HTRA2: variants seen among roughly 807,000 people sequenced by gnomAD.
HTRA2 encodes serine protease HTRA2, mitochondrial.
Under a neutral mutation model 42.2 loss-of-function variants are expected in HTRA2, and 24 were observed. The ratio of observed to expected loss-of-function variants is 0.57; its 90% CI spans 0.41 to 0.80. The LOEUF is 0.80. Ranked by LOEUF, HTRA2 falls within the 30% of genes least tolerant of loss-of-function variation. HTRA2 has a pLI of 0.00. For missense variants in HTRA2, 466 were observed against 613.5 expected (o/e 0.76, Z 2.54); for synonymous variants, 245 against 255.8 (o/e 0.96, Z 0.40).
In HTRA2 at chr2:74,531,700, A is replaced by G. The variant is rs1558612606; in HGVS notation, c.1043A>G (p.Lys348Arg). The change falls in exon 5 of 8, where the codon AAG becomes AGG. Residue 348 changes from lysine to arginine, a missense_variant and splice_region_variant. By Grantham distance (26) the Lys-to-Arg change is conservative. Coordinates refer to ENST00000258080, the MANE Select transcript of HTRA2 (RefSeq NM_013247.5). Reference protein sequence around the residue: ...LREFLHRGEKKNSSSGISGSQ... With the variant: ...LREFLHRGEKRNSSSGISGSQ... ...GAGTTTCTGCATCGTGGGGAAAAGA[A>G]GAGTGAGCCTGCCTTATGGGGAAAC... The G allele has an allele frequency of 1.9e-6, 3 of 1,614,056 alleles. No homozygotes were observed. Among genetic ancestry groups the G allele is most frequent in the South Asian group, 2.2e-5 (2 of 91,078 alleles).
At position 74,531,360 on chromosome 2, in the gene HTRA2, C is replaced by T. The variant is rs1430733107; in HGVS notation, c.928C>T (p.Leu310=). ...ACAGTTTGGAAACTCTGGAGGTCCCCTGGTTAACCTGGTGAGTGAGACATC... is the reference window on the plus strand; with the variant it reads ...ACAGTTTGGAAACTCTGGAGGTCCCTTGGTTAACCTGGTGAGTGAGACATC... ...AIDFGNSGGP[L]VNLDGEVIGV... is the part of the protein sequence containing the mutation. The change falls in exon 4 of 8, where the codon CTG becomes TTG. Residue 310 remains leucine, a synonymous_variant. Coordinates refer to ENST00000258080, the MANE Select transcript of HTRA2 (RefSeq NM_013247.5). 1.2e-6 allele frequency: 2 copies of T among 1,614,178 alleles called. No individual in the cohort carries two copies. The highest frequency in any genetic ancestry group is 1.7e-6 in the Non-Finnish European group (2 of 1,179,988).
Position 74,532,644 on chromosome 2 carries a change from G to A in HTRA2, c.1141G>A (p.Glu381Lys). 1 of 1,613,598 alleles carries A rather than the reference G, an allele frequency of 6.2e-7. No individual in the cohort carries two copies. The highest frequency in any genetic ancestry group is 8.5e-7 in the Non-Finnish European group (1 of 1,180,004). ...PSILAELQLR[E>K]PSFPDVQHGV... The stretch of plus-strand genomic sequence containing the variant: ...CATCCTTGCTGAACTACAGCTTCGA[G>A]AACCAAGCTTTCCCGATGTTCAGCA... Residue 381 changes from glutamate to lysine, a missense_variant, in exon 7 of 8, where the codon GAA (glutamate) becomes AAA (lysine). This residue lies in a region of HTRA2 where 129 missense variants were observed against 163.1 expected (regional missense o/e 0.79). Coordinates refer to ENST00000258080, the MANE Select transcript of HTRA2 (RefSeq NM_013247.5).
At chr2:74,529,522 T>C, upstream of HTRA2, 1 of 1,548,842 alleles carries the variant, frequency 6.5e-7, no homozygotes, top group Non-Finnish European at 8.7e-7. Context: ...GGCGAAGTGG[T>C]CAGGCGCCGA....
In HTRA2 at chr2:74,530,981, G is replaced by A; in HGVS notation, c.782G>A (p.Gly261Glu). The part of the protein sequence containing the change: ...VRQGEFVVAM[G>E]SPFALQNTIT... Reference sequence around the variant, plus strand: ...CAAGGGGAGTTTGTTGTTGCCATGGGAAGTCCCTTTGCACTGCAGAACACG... The same window carrying A: ...CAAGGGGAGTTTGTTGTTGCCATGGAAAGTCCCTTTGCACTGCAGAACACG... Residue 261 changes from glycine to glutamate, a missense_variant, in exon 3 of 8, where the codon GGA (glycine) becomes GAA (glutamate). Physicochemically the swap from Gly to Glu is moderately conservative, Grantham distance 98 (BLOSUM62 -2). Transcript: ENST00000258080. This position sits in a 1 kb window ranked among gnomAD's most constrained non-coding sequence, Gnocchi z 7.4. 6.2e-7 allele frequency: 1 copy of A among 1,614,214 alleles called. No individual in the cohort carries two copies. Among genetic ancestry groups the A allele is most frequent in the East Asian group, 2.2e-5 (1 of 44,884 alleles).
In HTRA2 at chr2:74,530,094, C is replaced by T. The variant is rs1438420513; in HGVS notation, c.88C>T (p.Arg30Cys). 3.1e-6 allele frequency: 5 copies of T among 1,600,492 alleles called. No homozygotes were observed. Among genetic ancestry groups the T allele is most frequent in the Non-Finnish European group, 2.6e-6 (3 of 1,169,816 alleles). ...GGGCATTCGCTGGGGGAGGAGACCC[C>T]GTTTGACCCCTGACCTCCGGGCCCT... ...LGGIRWGRRP[R>C]LTPDLRALLT... The change falls in exon 1 of 8, where the codon CGT becomes TGT. Residue 30 changes from arginine to cysteine, a missense_variant. Physicochemically the swap from Arg to Cys is radical, Grantham distance 180. This residue lies in a region of HTRA2 where 222 missense variants were observed against 205.1 expected (regional missense o/e 1.08). Coordinates refer to ENST00000258080, the MANE Select transcript of HTRA2 (RefSeq NM_013247.5). The surrounding 1 kb of genome is among the most constrained non-coding windows in gnomAD (Gnocchi z 7.4).
rs1372539804 is a variant in HTRA2 at position 74,530,552 on chromosome 2, G to A, written c.506+40G>A. 6.2e-7 allele frequency: 1 copy of A among 1,613,638 alleles called. No individual in the cohort carries two copies. The highest frequency in any genetic ancestry group is 8.5e-7 in the Non-Finnish European group (1 of 1,180,036). On this transcript the variant is annotated intron_variant, in intron 1 of 7. Coordinates refer to ENST00000258080, the MANE Select transcript of HTRA2 (RefSeq NM_013247.5). This position sits in a 1 kb window ranked among gnomAD's most constrained non-coding sequence, Gnocchi z 7.4. ...AGACCGGGAGGCACTGAAGCCACAG[G>A]CTGGAGGGCGGGCGGGTAGGAGGGG... is the stretch of plus-strand genomic sequence containing the variant.
rs955155115 is a variant in HTRA2, at chr2:74,529,959, G to C, written c.-48G>C. ...TACTGTCCGCCTGCTCGCGTCCTGG[G>C]TGCCGCCTCTGAGTAGGGCGGGCGA... On this transcript the variant is annotated 5_prime_UTR_variant, in exon 1 of 8. Coordinates refer to ENST00000258080, the MANE Select transcript of HTRA2 (RefSeq NM_013247.5). 3 of 1,500,508 alleles carry C rather than the reference G, an allele frequency of 2.0e-6. No individual in the cohort carries two copies. The highest frequency in any genetic ancestry group is 2.7e-6 in the Non-Finnish European group (3 of 1,129,266). 92.9% of individuals were successfully genotyped at this position (1,500,508 alleles called of 1,614,324 possible). A position where few individuals can be genotyped will look rare whatever the true frequency, so the allele number is the denominator to read the frequency against.
upstream of HTRA2, chr2:74,529,657 TCGC>T (rs769643480): frequency 3.9e-6 from 6 of 1,545,924 alleles, no homozygotes; most frequent in African/African-American, 4.1e-5. Flanking sequence ...CGCCCGGCCG[TCGC>T]CGCCGCCGCC....
chr2:74,531,144 A>AG (rs749549949), intron 3 of HTRA2, 39 bp downstream of exon 3: 23 of 1,600,456 alleles, frequency 1.4e-5, no homozygotes, highest in Non-Finnish European at 1.9e-5. Context: ...ATGATGGGGG[A>AG]GGGGGGAGAG....
In HTRA2 at chr2:74,529,999, C is replaced by T; in HGVS notation, c.-8C>T. On this transcript the variant is annotated 5_prime_UTR_variant, in exon 1 of 8. Transcript: ENST00000258080. ...AGGGCGGGCGAGGAGGCAGCCAAGG[C>T]GGAGCTGATGGCTGCGCCGAGGGCG... 6.6e-7 allele frequency: 1 copy of T among 1,524,780 alleles called. No individual in the cohort carries two copies. The highest frequency in any genetic ancestry group is 8.8e-7 in the Non-Finnish European group (1 of 1,134,266). 94.5% of individuals were successfully genotyped at this position (1,524,780 alleles called of 1,614,324 possible). A position where few individuals can be genotyped will look rare whatever the true frequency, so the allele number is the denominator to read the frequency against.
chr2:74,530,302 CTG>C lies in HTRA2; in HGVS notation c.297_298del (p.Gly100AsnfsTer37). 1 of 1,601,302 alleles carries C rather than the reference CTG, an allele frequency of 6.2e-7. No individual in the cohort carries two copies. Among genetic ancestry groups the C allele is most frequent in the Non-Finnish European group, 8.5e-7 (1 of 1,172,210 alleles). On this transcript the variant is annotated frameshift_variant, in exon 1 of 8. Transcript: ENST00000258080. LOFTEE classifies it high-confidence loss of function. This position sits in a 1 kb window ranked among gnomAD's most constrained non-coding sequence, Gnocchi z 7.4. ...AGGACCCGGGAGGCCTCAGAGAACT[CTG>C]GAACCCGTTCGCGCGCGTGGCTGGC...
At chr2:74,533,421 C>T, downstream of HTRA2, 4 of 598,444 alleles carry the variant, frequency 6.7e-6, no homozygotes, top group South Asian at 7.9e-5. Flanking sequence ...CCATGCTTGG[C>T]TACAGATACT....
Position 74,532,607 on chromosome 2 carries a change from G to C in HTRA2, c.1116-12G>C. On this transcript the variant is annotated splice_polypyrimidine_tract_variant and intron_variant, in intron 6 of 7. Coordinates refer to ENST00000258080, the MANE Select transcript of HTRA2 (RefSeq NM_013247.5). ...CTGGGTTTGGCTAATAGGGTGATCT[G>C]TGTACTTTCAGCATCCTTGCTGAAC... 6.2e-7 allele frequency: 1 copy of C among 1,611,660 alleles called. No homozygotes were observed. The highest frequency in any genetic ancestry group is 1.3e-5 in the African/African-American group (1 of 74,974).
intron 5 of HTRA2, 49 bp from the exon 6 acceptor site, chr2:74,531,807 G>GCT: frequency 1.9e-6 from 3 of 1,612,356 alleles, no homozygotes; most frequent in Non-Finnish European, 2.5e-6. Flanking sequence ...GAAGAGGGCA[G>GCT]GGAAGGAAGG....
At position 74,530,820 on chromosome 2, in the gene HTRA2, A is replaced by AG. The variant is rs748506882; in HGVS notation, c.711+1dup. The AG allele has an allele frequency of 2.1e-5, 34 of 1,614,134 alleles. No homozygotes were observed. Among genetic ancestry groups the AG allele is most frequent in the Non-Finnish European group, 2.9e-5 (34 of 1,180,028 alleles). On this transcript the variant is annotated frameshift_variant and splice_region_variant, in exon 2 of 8. Transcript: ENST00000258080. LOFTEE classifies it high-confidence loss of function. This position sits in a 1 kb window ranked among gnomAD's most constrained non-coding sequence, Gnocchi z 7.4. ...ATCGCAACGCTGAGGATTCAGACTA[A>AG]GGTGGGGGCTGGGGTAGGCCAGGTC... is the stretch of plus-strand genomic sequence containing the variant.
chr2:74,532,285 G>A (rs1049129708), intron 6 of HTRA2: 4 of 477,528 alleles, frequency 8.4e-6, no homozygotes, highest in African/African-American at 2.0e-5. Context: ...TTTTATTTAT[G>A]CTGTTCTTGT....
chr2:74,532,658 C>A lies in HTRA2; in HGVS notation c.1155C>A (p.Pro385=), dbSNP rs150357486. The A allele has an allele frequency of 1.2e-6, 2 of 1,613,674 alleles. No homozygotes were observed. Among genetic ancestry groups the A allele is most frequent in the South Asian group, 1.1e-5 (1 of 91,014 alleles). ...AELQLREPSF[P]DVQHGVLIHK... is the part of the protein sequence containing the mutation. Reference sequence around the variant, plus strand: ...TACAGCTTCGAGAACCAAGCTTTCCCGATGTTCAGCATGGTGTACTCATCC... The same window carrying A: ...TACAGCTTCGAGAACCAAGCTTTCCAGATGTTCAGCATGGTGTACTCATCC... Residue 385 remains proline, a synonymous_variant, in exon 7 of 8, where the codon CCC becomes CCA. Coordinates refer to ENST00000258080, the MANE Select transcript of HTRA2 (RefSeq NM_013247.5).
chr2:74,532,007 CTGTCTT>C, intron 6 of HTRA2, 82 bp downstream of exon 6: 1 of 1,255,918 alleles, frequency 8.0e-7, no homozygotes, highest in Non-Finnish European at 1.2e-6. Context: ...GTTCTCATTT[CTGTCTT>C]TATCTAAGAT....
chr2:74,530,722 C>G lies in HTRA2; in HGVS notation c.612C>G (p.Arg204=). 6.2e-7 allele frequency: 1 copy of G among 1,614,194 alleles called. No homozygotes were observed. The highest frequency in any genetic ancestry group is 8.5e-7 in the Non-Finnish European group (1 of 1,180,032). Reference sequence around the variant, plus strand: ...ACGCCCATGTGGTGGCTGATCGGCGCAGAGTCCGTGTGAGACTGCTAAGCG... The same window carrying G: ...ACGCCCATGTGGTGGCTGATCGGCGGAGAGTCCGTGTGAGACTGCTAAGCG... ...VTNAHVVADR[R]RVRVRLLSGD... is the part of the protein sequence containing the mutation. Residue 204 remains arginine (R), a synonymous_variant, in exon 2 of 8, where the codon CGC becomes CGG. Transcript: ENST00000258080. This position sits in a 1 kb window ranked among gnomAD's most constrained non-coding sequence, Gnocchi z 7.4.
Sources: gnomAD v4.1 joint callset for allele counts on GRCh38, gnomAD v4.1.1 for gene constraint, gnomAD v4.1.1 regional missense constraint, Gnocchi (gnomAD v3.1) non-coding constraint, MANE v1.5 for transcripts, NCBI Gene and HGNC (gene_info 2026-07-23, HGNC 2026-07-21) for gene names.